Variants in ALKBH1 observed in about 807,000 individuals in gnomAD.
ALKBH1 encodes nucleic acid dioxygenase ALKBH1.
ALKBH1 carries 31 observed loss-of-function variants against 36.6 expected under a neutral mutation model. The observed-to-expected ratio is 0.85, with a 90% CI of 0.64 to 1.14. The LOEUF is 1.14. ALKBH1 is among the 50% of genes most tolerant of loss of function. The pLI is 0.00. For missense variants in ALKBH1, 490 were observed against 497.3 expected (o/e 0.99, Z 0.14); for synonymous variants, 183 against 186.6 (o/e 0.98, Z 0.16).
In ALKBH1 at chr14:77,703,487, G is replaced by A. The variant is rs534091076; in HGVS notation, c.292+882C>T. Among the ~76,000 whole-genome samples, 6 of 151,662 alleles carry A rather than the reference G, an allele frequency of 4.0e-5. No homozygotes were observed. The South Asian group carries it at 1.3e-3, about 32-fold the overall frequency. ...TGTTTTTGTATTTTCAGTAGAGATG[G>A]GGTTTCACCTTGTTAGCCAGGATGG... is the stretch of plus-strand genomic sequence containing the variant. On this transcript the variant is annotated intron_variant, in intron 2 of 5. Coordinates refer to ENST00000216489, the MANE Select transcript of ALKBH1 (RefSeq NM_006020.3).
At chr14:77,692,589 T>C (rs900621210) in intron 3 of ALKBH1, among the ~76,000 whole-genome samples, 3 of 152,208 alleles carry the variant, frequency 2.0e-5, no homozygotes, top group Non-Finnish European at 2.9e-5. Context: ...TGTCTAGGTC[T>C]GCTGCCCCAT....
chr14:77,687,302 C>T (rs1337001467), intron 3 of ALKBH1, among the ~76,000 whole-genome samples: 2 of 152,192 alleles, frequency 1.3e-5, no homozygotes, highest in African/African-American at 2.4e-5. Flanking sequence ...TATCCTATTT[C>T]CCTGACACAG....
chr14:77,674,089 C>T lies in ALKBH1; in HGVS notation c.893G>A (p.Gly298Glu). The T allele has an allele frequency of 6.2e-7, 1 of 1,614,152 alleles. No homozygotes were observed. The highest frequency in any genetic ancestry group is 2.2e-5 in the East Asian group (1 of 44,880). Reference protein sequence around the residue: ...AVPRVLPNPEGEGLPHCLEAP... With the variant: ...AVPRVLPNPEEEGLPHCLEAP... ...CTCTAGGCAGTGAGGCAGGCCTTCC[C>T]CTTCTGGATTTGGAAGGACACGAGG... The change falls in exon 6 of 6, where the codon GGG becomes GAG. Residue 298 changes from glycine (G) to glutamate (E), a missense_variant. Transcript: ENST00000216489.
intron 3 of ALKBH1, chr14:77,683,608 G>C (rs2080251046): frequency 2.7e-6 from 1 of 376,602 alleles, no homozygotes; most frequent in South Asian, 2.6e-5. Flanking sequence ...GTCTTGCTCT[G>C]TCACCTAGGC....
intron 2 of ALKBH1, among the ~76,000 whole-genome samples, chr14:77,697,995 A>G (rs1462574388): frequency 6.6e-6 from 1 of 152,166 alleles, no homozygotes; most frequent in Admixed American, 6.5e-5. Flanking sequence ...CCTGGGTGAC[A>G]AAAACAGACT....
chr14:77,674,111 GA>G lies in ALKBH1; in HGVS notation c.870del (p.Arg291ValfsTer15). 1 of 1,614,194 alleles carries G rather than the reference GA, an allele frequency of 6.2e-7. No individual in the cohort carries two copies. The highest frequency in any genetic ancestry group is 1.1e-5 in the South Asian group (1 of 91,088). The part of the protein sequence containing the change: ...GFSRLLNHAV[P>X]RVLPNPEGEG... The stretch of plus-strand genomic sequence containing the variant: ...TCCCCTTCTGGATTTGGAAGGACAC[GA>G]GGGACTGCGTGGTTCAAGAGGCGGC... On this transcript the variant is annotated frameshift_variant, in exon 6 of 6. Coordinates refer to ENST00000216489, the MANE Select transcript of ALKBH1 (RefSeq NM_006020.3). LOFTEE classifies it high-confidence loss of function.
In ALKBH1 at chr14:77,694,904, T is replaced by C; in HGVS notation, c.293-4A>G. The C allele has an allele frequency of 6.7e-7, 1 of 1,500,460 alleles. No individual in the cohort carries two copies. Among genetic ancestry groups the C allele is most frequent in the Non-Finnish European group, 8.9e-7 (1 of 1,126,698 alleles). The allele number at this position is 1,500,460 out of a possible 1,614,324, so 92.9% of individuals were successfully genotyped here. A position where few individuals can be genotyped will look rare whatever the true frequency, so the allele number is the denominator to read the frequency against. On this transcript the variant is annotated splice_polypyrimidine_tract_variant and splice_region_variant and intron_variant, in intron 2 of 5. Coordinates refer to ENST00000216489, the MANE Select transcript of ALKBH1 (RefSeq NM_006020.3). ...GGGTTTGGGATAAAAATAAACCCTA[T>C]ACAAAAGATGGGTGGGAAAAAAAGA...
Position 77,672,575 on chromosome 14 carries a change from CCA to C in ALKBH1, c.*1235_*1236del, listed in dbSNP as rs1342157194. 1.3e-5 allele frequency: 2 copies of C among 152,162 alleles called. No homozygotes were observed. Among genetic ancestry groups the C allele is most frequent in the Non-Finnish European group, 2.9e-5 (2 of 68,028 alleles). The allele number at this position is 152,162 out of a possible 1,614,324, so 9.4% of individuals were successfully genotyped here. On this transcript the variant is annotated 3_prime_UTR_variant, in exon 6 of 6. Coordinates refer to ENST00000216489, the MANE Select transcript of ALKBH1 (RefSeq NM_006020.3). ...ACCAAATGGGCTTCCAGCCAGTCCT[CCA>C]CACAAGGAAGTTAGGATGTTTCAAA...
chr14:77,683,064 A>T lies in ALKBH1; in HGVS notation c.456-3094T>A, dbSNP rs550925886. On this transcript the variant is annotated intron_variant, in intron 3 of 5. Transcript: ENST00000216489. ...ATGTAGTCTCACCATGTTGTCCAGG[A>T]TGATCTTGAACTCCTTACCTCAAGC... is the stretch of plus-strand genomic sequence containing the variant. 10 of 435,858 alleles carry T rather than the reference A, an allele frequency of 2.3e-5. No homozygotes were observed. In the South Asian group the frequency reaches 3.2e-4, roughly 14 times the overall value. 27.0% of individuals were successfully genotyped at this position (435,858 alleles called of 1,614,324 possible). A position where few individuals can be genotyped will look rare whatever the true frequency, so the allele number is the denominator to read the frequency against.
chr14:77,697,387 G>A (rs2080333417), intron 2 of ALKBH1: 2 of 164,178 alleles, frequency 1.2e-5, no homozygotes, highest in Admixed American at 1.2e-4. Flanking sequence ...GACGGGCAAT[G>A]GAGCTGCACA....
chr14:77,703,521 T>G (rs2080371258), intron 2 of ALKBH1, among the ~76,000 whole-genome samples: 1 of 151,310 alleles, frequency 6.6e-6, no homozygotes, highest in African/African-American at 2.4e-5. Context: ...GGTCTCAATC[T>G]CCTGACCTCG....
At chr14:77,703,443 C>A (rs1276357963) in intron 2 of ALKBH1, among the ~76,000 whole-genome samples, 1 of 151,994 alleles carries the variant, frequency 6.6e-6, no homozygotes, top group Non-Finnish European at 1.5e-5. Context: ...AGGGGCCCGC[C>A]ACCATGCCCG....
chr14:77,686,341 C>G (rs2080268108), intron 3 of ALKBH1, among the ~76,000 whole-genome samples: 1 of 152,134 alleles, frequency 6.6e-6, no homozygotes, highest in African/African-American at 2.4e-5. Context: ...GGATCAGTAC[C>G]AATACAACTC....
chr14:77,704,412 C>T lies in ALKBH1; in HGVS notation c.249G>A (p.Gln83=), dbSNP rs369778752. Residue 83 remains glutamine, a synonymous_variant, in exon 2 of 6, where the codon CAG becomes CAA. Transcript: ENST00000216489. ...CATAGGCTTGCCACTTGCTGACGGG[C>T]TGAAGACCTGCTCTATATGCATTCT... ...SEQNAYRAGL[Q]PVSKWQAYGL... 1.3e-5 allele frequency: 21 copies of T among 1,614,046 alleles called. No individual in the cohort carries two copies. The African/African-American group carries it at 2.7e-4, about 21-fold the overall frequency.
At chr14:77,682,220 GAA>G (rs1235801773) in intron 3 of ALKBH1, among the ~76,000 whole-genome samples, 1 of 151,932 alleles carries the variant, frequency 6.6e-6, no homozygotes, top group Non-Finnish European at 1.5e-5. Flanking sequence ...ACTGAAATAT[GAA>G]AAAAATGTAA....
At chr14:77,693,206 C>CAAAA (rs59132199) in intron 3 of ALKBH1, among the ~76,000 whole-genome samples, 2 of 126,696 alleles carry the variant, frequency 1.6e-5, no homozygotes, top group Admixed American at 7.7e-5. Flanking sequence ...AACTCCGTCT[C>CAAAA]AAAAAAAAAA....
intron 2 of ALKBH1, chr14:77,697,180 TG>T (rs2080332256): frequency 5.8e-6 from 1 of 171,442 alleles, no homozygotes; most frequent in Non-Finnish European, 1.3e-5. Flanking sequence ...GTGGAAGAGT[TG>T]AATTCTTACA....
At chr14:77,680,554 A>G (rs1301798925) in intron 3 of ALKBH1, among the ~76,000 whole-genome samples, 1 of 152,112 alleles carries the variant, frequency 6.6e-6, no homozygotes, top group Non-Finnish European at 1.5e-5. Flanking sequence ...CAATTAAGGC[A>G]CCACTGTAAC....
At chr14:77,694,402 G>GAT (rs1566815917) in intron 3 of ALKBH1, among the ~76,000 whole-genome samples, 1 of 152,138 alleles carries the variant, frequency 6.6e-6, no homozygotes, top group Admixed American at 6.5e-5. Context: ...CCTTTCCTAG[G>GAT]ATACCAAAAG....
Sources: gnomAD v4.1 joint callset for allele counts (sites outside exome capture counted in the v4.1 genomes callset) on GRCh38, gnomAD v4.1.1 for gene constraint, MANE v1.5 for transcripts, NCBI Gene and HGNC (gene_info 2026-07-23, HGNC 2026-07-21) for gene names.